EPS15L1: variants seen among roughly 807,000 people sequenced by gnomAD.
EPS15L1 encodes epidermal growth factor receptor pathway substrate 15 like 1, also known as epidermal growth factor receptor substrate 15-like 1.
In EPS15L1, 43 loss-of-function variants were observed where a neutral mutation model predicts 117.1. The ratio of observed to expected loss-of-function variants is 0.37; its 90% CI spans 0.29 to 0.47. EPS15L1 has a LOEUF of 0.47. Ranked by LOEUF, EPS15L1 falls within the 20% of genes least tolerant of loss-of-function variation. The probability of loss-of-function intolerance (pLI) is 0.99; values close to 1 mark genes in which losing one functional copy is unlikely to be tolerated. For synonymous variants in EPS15L1, 459 were observed against 470.5 expected (o/e 0.98, Z 0.32); for missense variants, 981 against 1,164.0 (o/e 0.84, Z 2.29).
chr19:16,448,824 C>T (rs138863131), intron 1 of EPS15L1, among the ~76,000 whole-genome samples: 1,771 of 151,022 alleles, frequency 0.012, 35 homozygotes, highest in African/African-American at 0.041. Context: ...AGCAAGACTC[C>T]GTCTCAAAAA....
Position 16,381,238 on chromosome 19 carries a change from C to T in EPS15L1, c.2247+3891G>A, listed in dbSNP as rs1336105421. ...TCCCACTGTCAGCACCTCTGCCTTA[C>T]ACACAAGGAAACTGAGGCACACAAA... On this transcript the variant is annotated intron_variant, in intron 21 of 23. Transcript: ENST00000455140. This position sits in a 1 kb window ranked among gnomAD's most constrained non-coding sequence, Gnocchi z 4.2. Among the ~76,000 whole-genome samples the T allele has an allele frequency of 6.6e-6, 1 of 152,270 alleles. No individual in the cohort carries two copies. Among genetic ancestry groups the T allele is most frequent in the Non-Finnish European group, 1.5e-5 (1 of 68,050 alleles).
At chr19:16,374,333 A>G (rs1044877931) in intron 22 of EPS15L1, among the ~76,000 whole-genome samples, 7 of 152,200 alleles carry the variant, frequency 4.6e-5, no homozygotes, top group African/African-American at 1.4e-4. Context: ...CGAGTGGCAC[A>G]GCAACCATCA....
At chr19:16,411,759 G>C (rs1225543945) in intron 13 of EPS15L1, among the ~76,000 whole-genome samples, 1 of 152,168 alleles carries the variant, frequency 6.6e-6, no homozygotes, top group Non-Finnish European at 1.5e-5. Flanking sequence ...GAGTGCAGTA[G>C]TGCAATCACA....
intron 22 of EPS15L1, among the ~76,000 whole-genome samples, chr19:16,374,609 G>C (rs939736940): frequency 2.0e-5 from 3 of 152,214 alleles, no homozygotes; most frequent in Non-Finnish European, 4.4e-5. Flanking sequence ...ATAACTGAGG[G>C]AAAGTTCAAA....
intron 22 of EPS15L1, among the ~76,000 whole-genome samples, chr19:16,364,987 G>C (rs758719816): frequency 1.3e-5 from 2 of 152,224 alleles, no homozygotes; most frequent in East Asian, 3.9e-4. Flanking sequence ...CCCCAGTCTT[G>C]TCCAGGTGGC....
chr19:16,393,990 G>T lies in EPS15L1; in HGVS notation c.1927C>A (p.Gln643Lys), dbSNP rs1418005737. The change falls in exon 18 of 24, where the codon CAG (glutamine) becomes AAG (lysine). Residue 643 changes from glutamine (Q) to lysine (K), a missense_variant. Physicochemically the swap from Gln to Lys is moderately conservative, Grantham distance 53. Transcript: ENST00000455140. Reference sequence around the variant, plus strand: ...TGCTGTTCTGCAAAGGGGTCATTCTGGAACGGGTCGCCTGGTTGGAAGAGG... The same window carrying T: ...TGCTGTTCTGCAAAGGGGTCATTCTTGAACGGGTCGCCTGGTTGGAAGAGG... The part of the protein sequence containing the change: ...GADPFKGDPF[Q>K]NDPFAEQQTT... The T allele has an allele frequency of 6.2e-7, 1 of 1,614,114 alleles. No individual in the cohort carries two copies. The highest frequency in any genetic ancestry group is 2.2e-5 in the East Asian group (1 of 44,888).
rs2092959617 is a variant in EPS15L1, at chr19:16,434,467, A to G, written c.396T>C (p.Asp132=). ...AVRVEEKAKF[D]GIFESLLPIN... is the part of the protein sequence containing the mutation. Reference sequence around the variant, plus strand: ...TGGGCAAGAGGCTTTCAAAAATCCCATCAAATTTGGCCTTTTCTTCCACCT... The same window carrying G: ...TGGGCAAGAGGCTTTCAAAAATCCCGTCAAATTTGGCCTTTTCTTCCACCT... The change falls in exon 7 of 24, where the codon GAT becomes GAC. Residue 132 remains aspartate (D), a synonymous_variant. Coordinates refer to ENST00000455140, the MANE Select transcript of EPS15L1 (RefSeq NM_001258374.3). 1.2e-6 allele frequency: 2 copies of G among 1,614,004 alleles called. No homozygotes were observed. The highest frequency in any genetic ancestry group is 1.7e-6 in the Non-Finnish European group (2 of 1,179,982).
chr19:16,417,752 G>A, intron 11 of EPS15L1, 115 bp from the exon 12 acceptor site: 1 of 1,146,540 alleles, frequency 8.7e-7, no homozygotes, highest in African/African-American at 1.5e-5. Flanking sequence ...CACAGGGTGA[G>A]GTAGCAAAAG....
intron 4 of EPS15L1, among the ~76,000 whole-genome samples, chr19:16,440,084 A>C (rs899155202): frequency 1.2e-4 from 18 of 146,328 alleles, no homozygotes; most frequent in Non-Finnish European, 2.6e-4. Flanking sequence ...AAAAAAAAAA[A>C]CTCTGATTAA....
chr19:16,415,754 G>C (rs1237285918), intron 12 of EPS15L1, among the ~76,000 whole-genome samples: 6 of 152,194 alleles, frequency 3.9e-5, no homozygotes, highest in Middle Eastern at 3.2e-3. Flanking sequence ...AAGGCTTCTG[G>C]CTGTCTGAGG....
intron 1 of EPS15L1, among the ~76,000 whole-genome samples, chr19:16,460,273 G>A (rs2145174195): frequency 6.6e-6 from 1 of 152,242 alleles, no homozygotes; most frequent in South Asian, 2.1e-4. Context: ...GACAGAGCCT[G>A]TCTCTAAAAA....
At position 16,355,651 on chromosome 19, in the gene EPS15L1, T is replaced by G; in HGVS notation, c.*54A>C. On this transcript the variant is annotated 3_prime_UTR_variant, in exon 24 of 24. Transcript: ENST00000455140. ...TGTGTGTATATATAGACATCTGCAC[T>G]GCCCCCTCTCTGGAACCCGCCCGTG... is the stretch of plus-strand genomic sequence containing the variant. 1 of 1,518,316 alleles carries G rather than the reference T, an allele frequency of 6.6e-7. No homozygotes were observed. The highest frequency in any genetic ancestry group is 8.8e-7 in the Non-Finnish European group (1 of 1,134,830). 94.1% of individuals were successfully genotyped at this position (1,518,316 alleles called of 1,614,324 possible). A position where few individuals can be genotyped will look rare whatever the true frequency, so the allele number is the denominator to read the frequency against.
At chr19:16,452,265 G>A (rs1397378556) in intron 1 of EPS15L1, among the ~76,000 whole-genome samples, 1 of 151,978 alleles carries the variant, frequency 6.6e-6, no homozygotes, top group Non-Finnish European at 1.5e-5. Flanking sequence ...GGCCAACATG[G>A]TGAAACCCCA....
At position 16,381,885 on chromosome 19, in the gene EPS15L1, G is replaced by A. The variant is rs915577278; in HGVS notation, c.2247+3244C>T. Among the ~76,000 whole-genome samples the A allele has an allele frequency of 3.9e-5, 6 of 152,236 alleles. No homozygotes were observed. Among genetic ancestry groups the A allele is most frequent in the African/African-American group, 9.6e-5 (4 of 41,468 alleles). On this transcript the variant is annotated intron_variant, in intron 21 of 23. Coordinates refer to ENST00000455140, the MANE Select transcript of EPS15L1 (RefSeq NM_001258374.3). This position sits in a 1 kb window ranked among gnomAD's most constrained non-coding sequence, Gnocchi z 4.2. ...CAAGCAGGTCTAGATGGGAAGTGGT[G>A]TGACCGGCTGGGCCTTGTCCTCCCT...
chr19:16,461,627 A>C (rs1008872564), intron 1 of EPS15L1, among the ~76,000 whole-genome samples: 38 of 140,096 alleles, frequency 2.7e-4, no homozygotes, highest in African/African-American at 1.1e-3. Flanking sequence ...GTCTCAAAAA[A>C]AAGAAAGAAA....
At chr19:16,448,770 C>T (rs935289893) in intron 1 of EPS15L1, among the ~76,000 whole-genome samples, 2 of 151,560 alleles carry the variant, frequency 1.3e-5, no homozygotes, top group African/African-American at 4.9e-5. Flanking sequence ...GCAGAGGCTG[C>T]AGTGAGCCGA....
At position 16,417,976 on chromosome 19, in the gene EPS15L1, G is replaced by A. The variant is rs759603812; in HGVS notation, c.1079C>T (p.Pro360Leu). 5.6e-6 allele frequency: 9 copies of A among 1,613,980 alleles called. No homozygotes were observed. Among genetic ancestry groups the A allele is most frequent in the East Asian group, 4.5e-5 (2 of 44,900 alleles). The part of the protein sequence containing the change: ...PPQVLSPDMV[P>L]PSERGTPGPD... ...GCCGGGCGTGCCTCTCTCCGAAGGCGGGACCATGTCCGGCGAGAGGACTTG... is the reference window on the plus strand; with the variant it reads ...GCCGGGCGTGCCTCTCTCCGAAGGCAGGACCATGTCCGGCGAGAGGACTTG... The change falls in exon 11 of 24, where the codon CCG becomes CTG. Residue 360 changes from proline (P) to leucine (L), a missense_variant. Pro to Leu is a moderately conservative substitution (Grantham distance 98). Around this residue, in one of 5 missense-constraint regions of EPS15L1, gnomAD observed 819 missense variants for 949.0 expected, o/e 0.86. Transcript: ENST00000455140.
intron 19 of EPS15L1, among the ~76,000 whole-genome samples, chr19:16,391,474 G>T (rs1053470957): frequency 6.6e-6 from 1 of 152,148 alleles, no homozygotes. Context: ...GAGCGAGGTG[G>T]GCGCCAGGGT....
At chr19:16,435,703 C>T (rs943406841) in intron 6 of EPS15L1, among the ~76,000 whole-genome samples, 2 of 151,784 alleles carry the variant, frequency 1.3e-5, no homozygotes, top group African/African-American at 4.8e-5. Flanking sequence ...TGACTCAGTG[C>T]CTTCAGAAGC....
Sources: gnomAD v4.1 joint callset for allele counts (sites outside exome capture counted in the v4.1 genomes callset) on GRCh38, gnomAD v4.1.1 for gene constraint, gnomAD v4.1.1 regional missense constraint, Gnocchi (gnomAD v3.1) non-coding constraint, MANE v1.5 for transcripts, NCBI Gene and HGNC (gene_info 2026-07-23, HGNC 2026-07-21) for gene names.